The following RANBP17 variants were observed in gnomAD, a reference collection of about 807,000 sequenced individuals.
RANBP17 encodes the protein ran-binding protein 17.
In RANBP17, 158 loss-of-function variants were observed where a neutral mutation model predicts 141.2. The ratio of observed to expected loss-of-function variants is 1.12; its 90% CI spans 0.98 to 1.28. RANBP17 has a LOEUF of 1.28. Ranked by LOEUF, RANBP17 falls within the 50% of genes most tolerant of loss-of-function variation. The pLI is 0.00. For missense variants in RANBP17, 1,438 were observed against 1,290.7 expected, an observed-to-expected ratio of 1.11 and a Z score of -1.75; for synonymous variants, 430 against 450.0, an observed-to-expected ratio of 0.96 and a Z score of 0.56.
intron 14 of RANBP17, among the ~76,000 whole-genome samples, chr5:170,985,703 A>G (rs374748819): frequency 6.6e-6 from 1 of 152,176 alleles, no homozygotes; most frequent in African/African-American, 2.4e-5. Context: ...ACTGGAAAAC[A>G]TTCCAATTGA....
At chr5:171,040,047 A>T (rs542283538) in intron 14 of RANBP17, among the ~76,000 whole-genome samples, 1 of 152,204 alleles carries the variant, frequency 6.6e-6, no homozygotes, top group Admixed American at 6.6e-5. Context: ...GCCTGGTACC[A>T]AAATCTGGCA....
chr5:171,295,486 GC>G (rs1581200140), intron 26 of RANBP17, among the ~76,000 whole-genome samples: 1 of 152,150 alleles, frequency 6.6e-6, no homozygotes, highest in African/African-American at 2.4e-5. Flanking sequence ...CCTTGGCCTT[GC>G]CTTCAGTCAC....
chr5:171,018,271 GT>G (rs1202625825), intron 14 of RANBP17, among the ~76,000 whole-genome samples: 2 of 151,834 alleles, frequency 1.3e-5, no homozygotes, highest in Non-Finnish European at 2.9e-5. Context: ...ATTTAAAGTA[GT>G]TTTTTTTCTA....
chr5:171,292,879 C>G (rs1418117397), intron 25 of RANBP17, among the ~76,000 whole-genome samples: 1 of 152,174 alleles, frequency 6.6e-6, no homozygotes. Context: ...ATCTGTGCTG[C>G]AAACATATCA....
Position 170,911,132 on chromosome 5 carries a change from C to G in RANBP17, c.758C>G (p.Thr253Arg). 1 of 1,610,508 alleles carries G rather than the reference C, an allele frequency of 6.2e-7. No homozygotes were observed. Residue 253 changes from threonine to arginine, a missense_variant and splice_region_variant, in exon 7 of 28, where the codon ACA becomes AGA. Coordinates refer to ENST00000523189, the MANE Select transcript of RANBP17 (RefSeq NM_022897.5). The part of the protein sequence containing the change: ...CTVQIPTTWR[T>R]IFLEPETLDL... ...GTGCAGATTCCAACAACTTGGAGAA[C>G]AAGTAAGAAAAAACTTTGGTATGAA...
chr5:171,205,208 G>A (rs764555951), intron 19 of RANBP17, among the ~76,000 whole-genome samples: 1 of 152,126 alleles, frequency 6.6e-6, no homozygotes, highest in Non-Finnish European at 1.5e-5. Context: ...GTACATATCT[G>A]TTTTGTGTAA....
Position 171,123,610 on chromosome 5 carries a change from C to G in RANBP17, c.1711-46520C>G, listed in dbSNP as rs74373832. Among the ~76,000 whole-genome samples, 782 of 152,370 alleles carry G rather than the reference C, an allele frequency of 5.1e-3. 3 individuals carry two copies. The highest frequency in any genetic ancestry group is 9.4e-3 in the Non-Finnish European group (637 of 68,038). On this transcript the variant is annotated intron_variant, in intron 14 of 27. Coordinates refer to ENST00000523189, the MANE Select transcript of RANBP17 (RefSeq NM_022897.5). Reference sequence around the variant, plus strand: ...TCAGTACCTGCCCACCATTGGCACCCACGTGCATTCCCTGGGGGCTCAAGG... The same window carrying G: ...TCAGTACCTGCCCACCATTGGCACCGACGTGCATTCCCTGGGGGCTCAAGG...
chr5:170,988,163 A>G (rs1474463686), intron 14 of RANBP17, among the ~76,000 whole-genome samples: 1 of 151,592 alleles, frequency 6.6e-6, no homozygotes, highest in Non-Finnish European at 1.5e-5. Flanking sequence ...TTTAATGATT[A>G]TAAATTCTCA....
chr5:170,979,045 T>TG (rs1361365789), intron 14 of RANBP17, among the ~76,000 whole-genome samples: 41 of 152,112 alleles, frequency 2.7e-4, no homozygotes, highest in African/African-American at 9.7e-4. Context: ...CAATATGGTA[T>TG]GAAAAAAAGT....
At chr5:171,132,290 A>AG (rs1756974919) in intron 14 of RANBP17, among the ~76,000 whole-genome samples, 1 of 152,086 alleles carries the variant, frequency 6.6e-6, no homozygotes, top group South Asian at 2.1e-4. Context: ...AGGAGAGAAA[A>AG]GAAGGAAGGA....
At chr5:170,975,585 C>CT (rs1387052464) in intron 14 of RANBP17, among the ~76,000 whole-genome samples, 1 of 152,104 alleles carries the variant, frequency 6.6e-6, no homozygotes, top group Non-Finnish European at 1.5e-5. Context: ...CTTACAAATT[C>CT]TTTTTTACAA....
At chr5:170,879,579 G>T (rs535748602) in intron 2 of RANBP17, among the ~76,000 whole-genome samples, 1 of 152,098 alleles carries the variant, frequency 6.6e-6, no homozygotes, top group East Asian at 1.9e-4. Flanking sequence ...CTGCATATAG[G>T]TTCTAAGCAC....
At chr5:171,181,144 A>G (rs931390275) in intron 16 of RANBP17, among the ~76,000 whole-genome samples, 1 of 152,152 alleles carries the variant, frequency 6.6e-6, no homozygotes, top group African/African-American at 2.4e-5. Flanking sequence ...GAGGCAAGGA[A>G]AAACTTGCTA....
chr5:171,144,262 G>T (rs750928906), intron 14 of RANBP17, among the ~76,000 whole-genome samples: 1 of 152,014 alleles, frequency 6.6e-6, no homozygotes, highest in Non-Finnish European at 1.5e-5. Context: ...TCAGGAGGCC[G>T]AGGTGAGGTA....
At chr5:171,129,871 G>A (rs1019513004) in intron 14 of RANBP17, among the ~76,000 whole-genome samples, 2 of 152,172 alleles carry the variant, frequency 1.3e-5, no homozygotes, top group Non-Finnish European at 2.9e-5. Context: ...GCCCCCAGAA[G>A]TGAGTCCTGT....
intron 14 of RANBP17, among the ~76,000 whole-genome samples, chr5:170,981,304 T>A (rs1217227137): frequency 2.0e-5 from 3 of 152,190 alleles, no homozygotes; most frequent in Non-Finnish European, 2.9e-5. Flanking sequence ...GAGGGACTGT[T>A]GGGAAGGCAT....
At chr5:171,269,966 T>TTGAACTGTTTTTCCCC (rs1766986103) in intron 25 of RANBP17, among the ~76,000 whole-genome samples, 1 of 152,198 alleles carries the variant, frequency 6.6e-6, no homozygotes, top group Non-Finnish European at 1.5e-5. Flanking sequence ...ATTTACTAGT[T>TTGAACTGTTTTTCCCC]TGAACTGTTT....
At chr5:171,175,726 T>C (rs1760424015) in intron 16 of RANBP17, among the ~76,000 whole-genome samples, 1 of 151,900 alleles carries the variant, frequency 6.6e-6, no homozygotes, top group Admixed American at 6.6e-5. Flanking sequence ...AGAACCACAA[T>C]GAGATACCAA....
intron 12 of RANBP17, among the ~76,000 whole-genome samples, chr5:170,928,648 A>C (rs541337593): frequency 6.6e-6 from 1 of 152,204 alleles, no homozygotes; most frequent in South Asian, 2.1e-4. Flanking sequence ...GCTAGAGTCT[A>C]TTAGTGGACT....
Sources: gnomAD v4.1 joint callset for allele counts (sites outside exome capture counted in the v4.1 genomes callset) on GRCh38, gnomAD v4.1.1 for gene constraint, MANE v1.5 for transcripts, NCBI Gene and HGNC (gene_info 2026-07-23, HGNC 2026-07-21) for gene names.